ANKS1B: variants seen among roughly 807,000 people sequenced by gnomAD.
ANKS1B encodes ankyrin repeat and sterile alpha motif domain-containing protein 1B.
Under a neutral mutation model 148.3 loss-of-function variants are expected in ANKS1B, and 36 were observed. The ratio of observed to expected loss-of-function variants is 0.24; its 90% confidence interval spans 0.19 to 0.32. The LOEUF (loss-of-function observed/expected upper bound fraction) is 0.32. Among genes scored for constraint, ANKS1B ranks in the 10% least tolerant of loss-of-function variants. ANKS1B has a pLI of 1.00. For synonymous variants in ANKS1B, 542 were observed against 560.8 expected, an observed-to-expected ratio of 0.97 and a Z score of 0.47; for missense variants, 1,157 against 1,542.6, an observed-to-expected ratio of 0.75 and a Z score of 4.19.
intron 11 of ANKS1B, among the ~76,000 whole-genome samples, chr12:99,426,662 T>C (rs2095260820): frequency 6.6e-6 from 1 of 152,216 alleles, no homozygotes; most frequent in Admixed American, 6.5e-5. Flanking sequence ...AGAAAATTTT[T>C]CCATCTTCTT....
At chr12:99,831,437 CCTT>C (rs1426605966) in intron 1 of ANKS1B, among the ~76,000 whole-genome samples, 2 of 150,244 alleles carry the variant, frequency 1.3e-5, no homozygotes, top group Non-Finnish European at 3.0e-5. Flanking sequence ...TAGAAATTCT[CCTT>C]AAGAGGAATT....
intron 17 of ANKS1B, among the ~76,000 whole-genome samples, chr12:98,836,333 C>T (rs982905907): frequency 6.6e-6 from 1 of 152,122 alleles, no homozygotes; most frequent in East Asian, 1.9e-4. Flanking sequence ...AGGGCAGGTA[C>T]CTCACAGTAT....
At chr12:99,390,947 T>C (rs2094042647) in intron 12 of ANKS1B, among the ~76,000 whole-genome samples, 1 of 152,174 alleles carries the variant, frequency 6.6e-6, no homozygotes, top group African/African-American at 2.4e-5. Flanking sequence ...CGAGCTGAGG[T>C]GACCAGCCAG....
At chr12:99,881,468 G>T (rs2092482511) in intron 1 of ANKS1B, among the ~76,000 whole-genome samples, 2 of 152,100 alleles carry the variant, frequency 1.3e-5, no homozygotes. Flanking sequence ...ACCTAAACAT[G>T]GGTACAACTA....
At chr12:98,943,009 T>C (rs1398909510) in intron 17 of ANKS1B, among the ~76,000 whole-genome samples, 2 of 152,214 alleles carry the variant, frequency 1.3e-5, no homozygotes, top group Non-Finnish European at 2.9e-5. Flanking sequence ...AGATTTCATA[T>C]ACTCAGGCAA....
chr12:99,370,782 C>A (rs960200743), intron 12 of ANKS1B, among the ~76,000 whole-genome samples: 2 of 152,026 alleles, frequency 1.3e-5, no homozygotes, highest in East Asian at 1.9e-4. Flanking sequence ...TAAAAATGAC[C>A]ATAATTTATC....
chr12:98,841,461 A>G (rs1436445008), intron 17 of ANKS1B, among the ~76,000 whole-genome samples: 2 of 152,196 alleles, frequency 1.3e-5, no homozygotes, highest in Non-Finnish European at 2.9e-5. Context: ...ATCAGCAGAC[A>G]GAATAGTGAA....
At chr12:99,040,648 G>A (rs1400081281) in intron 17 of ANKS1B, among the ~76,000 whole-genome samples, 1 of 152,108 alleles carries the variant, frequency 6.6e-6, no homozygotes, top group East Asian at 1.9e-4. Context: ...AAATGGGAAT[G>A]GCAACAGTGT....
chr12:99,294,445 T>C (rs191257497), intron 12 of ANKS1B, among the ~76,000 whole-genome samples: 2 of 152,320 alleles, frequency 1.3e-5, no homozygotes, highest in Non-Finnish European at 2.9e-5. Flanking sequence ...ACTTCACATG[T>C]TCTCACTTAT....
At chr12:99,067,137 A>G (rs7303547) in intron 16 of ANKS1B, among the ~76,000 whole-genome samples, 12,107 of 152,276 alleles carry the variant, frequency 0.08, 1,179 homozygotes, top group African/African-American at 0.22. Flanking sequence ...CTGTATCATG[A>G]AACATTTTTG....
At chr12:99,957,414 C>T (rs1242613478) in intron 1 of ANKS1B, among the ~76,000 whole-genome samples, 1 of 152,188 alleles carries the variant, frequency 6.6e-6, no homozygotes, top group Non-Finnish European at 1.5e-5. Context: ...CTGCCTCTCC[C>T]AAAATATCTC....
At chr12:98,947,111 G>T (rs542985777) in intron 17 of ANKS1B, among the ~76,000 whole-genome samples, 50 of 152,254 alleles carry the variant, frequency 3.3e-4, no homozygotes, top group African/African-American at 9.1e-4. Context: ...TGGTGGGAGT[G>T]AAGTGAGGGA....
intron 17 of ANKS1B, among the ~76,000 whole-genome samples, chr12:99,021,622 C>G (rs567927841): frequency 2.0e-5 from 3 of 152,058 alleles, no homozygotes; most frequent in Non-Finnish European, 4.4e-5. Context: ...TGGGAAAGAA[C>G]TTTGAAATGA....
At chr12:99,910,963 TA>T (rs2093987761) in intron 1 of ANKS1B, among the ~76,000 whole-genome samples, 1 of 152,220 alleles carries the variant, frequency 6.6e-6, no homozygotes, top group Admixed American at 6.5e-5. Flanking sequence ...GCTATTGTGC[TA>T]AAAATACGTA....
At chr12:99,811,684 T>A (rs1291186407) in intron 3 of ANKS1B, among the ~76,000 whole-genome samples, 1 of 151,872 alleles carries the variant, frequency 6.6e-6, no homozygotes, top group Non-Finnish European at 1.5e-5. Flanking sequence ...TAACTTAATA[T>A]GTGACAAGCA....
intron 9 of ANKS1B, among the ~76,000 whole-genome samples, chr12:99,619,453 G>A (rs1273656880): frequency 6.6e-6 from 1 of 152,014 alleles, no homozygotes; most frequent in Non-Finnish European, 1.5e-5. Context: ...GGGTACAGGA[G>A]GCTCTCTCTG....
At chr12:99,258,085 T>C (rs2075490344) in intron 12 of ANKS1B, among the ~76,000 whole-genome samples, 1 of 152,186 alleles carries the variant, frequency 6.6e-6, no homozygotes, top group African/African-American at 2.4e-5. Context: ...AAAATGTACA[T>C]TTGTGACAAT....
intron 6 of ANKS1B, among the ~76,000 whole-genome samples, chr12:99,777,362 C>A (rs1269758119): frequency 6.6e-6 from 1 of 152,132 alleles, no homozygotes; most frequent in Non-Finnish European, 1.5e-5. Flanking sequence ...GTACTGTATG[C>A]CCTACCACAA....
At chr12:99,062,406 G>A (rs959991182) in intron 16 of ANKS1B, among the ~76,000 whole-genome samples, 2 of 152,152 alleles carry the variant, frequency 1.3e-5, no homozygotes, top group Admixed American at 1.3e-4. Flanking sequence ...TGTGAGAAGA[G>A]AAGTGGCCTG....
Sources: allele counts gnomAD v4.1 joint callset (sites outside exome capture counted in the v4.1 genomes callset), GRCh38; gene constraint gnomAD v4.1.1; transcripts MANE v1.5; gene names NCBI Gene and HGNC (gene_info 2026-07-23, HGNC 2026-07-21).